The following IFT80 variants were observed in gnomAD, a reference collection of about 807,000 sequenced individuals.
IFT80 encodes intraflagellar transport 80.
Under a neutral mutation model 107.9 loss-of-function variants are expected in IFT80, and 79 were observed. The ratio of observed to expected loss-of-function variants is 0.73; its 90% CI spans 0.61 to 0.88. IFT80 has a LOEUF of 0.88. Ranked by LOEUF, IFT80 falls within the 40% of genes least tolerant of loss-of-function variation. IFT80 has a pLI of 0.00. For synonymous variants in IFT80, 299 were observed against 300.9 expected (o/e 0.99, Z 0.07); for missense variants, 797 against 914.2 (o/e 0.87, Z 1.65).
rs1232766670 is a variant in IFT80, at chr3:160,279,381, CA to C, written c.1665-18del. On this transcript the variant is annotated intron_variant, in intron 15 of 19. Transcript: ENST00000326448. ...CTAAATTCACTGTTGAAAAAAAAAG[CA>C]AAGTACAATTTAAAGTTGTATTCTG... 6.3e-7 allele frequency: 1 copy of C among 1,599,608 alleles called. No individual in the cohort carries two copies. The highest frequency in any genetic ancestry group is 1.3e-5 in the African/African-American group (1 of 74,474).
chr3:160,356,016 A>G lies in IFT80; in HGVS notation c.774T>C (p.Thr258=). 6.2e-7 allele frequency: 1 copy of G among 1,613,982 alleles called. No individual in the cohort carries two copies. The highest frequency in any genetic ancestry group is 8.5e-7 in the Non-Finnish European group (1 of 1,179,900). The change falls in exon 8 of 20, where the codon ACT becomes ACC. Residue 258 remains threonine (T), a synonymous_variant. Transcript: ENST00000326448. ...ATTGCTCACCACTATAACTTACCCCAGTTTTATCACACAAGCGTAAAGTAT... is the reference window on the plus strand; with the variant it reads ...ATTGCTCACCACTATAACTTACCCCGGTTTTATCACACAAGCGTAAAGTAT... The part of the protein sequence containing the change: ...SFHTLRLCDK[T]GWSYALEKPN...
At chr3:160,394,526 T>C (rs898762978) in intron 1 of IFT80, among the ~76,000 whole-genome samples, 5 of 152,216 alleles carry the variant, frequency 3.3e-5, no homozygotes, top group East Asian at 1.9e-4. Context: ...GGTATTTACA[T>C]TTCCTTGAAA....
chr3:160,283,525 C>G (rs1714855266), intron 13 of IFT80, among the ~76,000 whole-genome samples: 1 of 152,150 alleles, frequency 6.6e-6, no homozygotes, highest in Non-Finnish European at 1.5e-5. Context: ...AAGTTCAACT[C>G]TTTCTGGAAT....
chr3:160,383,484 CTGA>C (rs1712684113), intron 2 of IFT80: 2 of 942,344 alleles, frequency 2.1e-6, no homozygotes, highest in African/African-American at 1.8e-5. Flanking sequence ...TTTCCTAGTT[CTGA>C]TGAAGGACCA....
At chr3:160,334,913 T>G (rs1719353460) in intron 8 of IFT80, among the ~76,000 whole-genome samples, 1 of 152,160 alleles carries the variant, frequency 6.6e-6, no homozygotes, top group Non-Finnish European at 1.5e-5. Context: ...TGAGCTCTGG[T>G]TCATTTTATA....
At chr3:160,356,872 TCTCTAA>T (rs1721130863) in intron 7 of IFT80, among the ~76,000 whole-genome samples, 1 of 152,186 alleles carries the variant, frequency 6.6e-6, no homozygotes, top group Admixed American at 6.5e-5. Context: ...CTACCTACTT[TCTCTAA>T]AAGTATTTAT....
At position 160,268,423 on chromosome 3, in the gene IFT80, T is replaced by A. The variant is rs535067699; in HGVS notation, c.2213A>T (p.Tyr738Phe). 36 of 1,612,602 alleles carry A rather than the reference T, an allele frequency of 2.2e-5. 1 individual carries two copies. In the South Asian group the frequency reaches 3.8e-4, roughly 17 times the overall value. The change falls in exon 19 of 20, where the codon TAT becomes TTT. Residue 738 changes from tyrosine (Y) to phenylalanine (F), a missense_variant. Transcript: ENST00000326448. ...TTGTGAAATACTTACACCTTCTGCA[T>A]AATGCAAGTATCGTTTATTAGTTTC... ...KQETNKRYLH[Y>F]AEGLQIDWEK... is the part of the protein sequence containing the mutation.
intron 6 of IFT80, 81 bp from the exon 7 acceptor site, chr3:160,357,659 T>A: frequency 1.2e-6 from 1 of 846,478 alleles, no homozygotes; most frequent in Non-Finnish European, 2.0e-6. Flanking sequence ...ATTTTGCCTC[T>A]TTCTAATGAC....
rs558811137 is a variant in IFT80 at position 160,302,135 on chromosome 3, T to G, written c.1152-1089A>C. ...CTTCATGCTGAAGACATTATTACTT[T>G]TCAAAATCTTATGTTTAATGTTTTA... is the stretch of plus-strand genomic sequence containing the variant. On this transcript the variant is annotated intron_variant, in intron 11 of 19. Coordinates refer to ENST00000326448, the MANE Select transcript of IFT80 (RefSeq NM_020800.3). Among the ~76,000 whole-genome samples the G allele has an allele frequency of 1.5e-4, 23 of 152,174 alleles. 1 individual carries two copies. Among genetic ancestry groups the G allele is most frequent in the African/African-American group, 5.5e-4 (23 of 41,576 alleles).
intron 5 of IFT80, among the ~76,000 whole-genome samples, chr3:160,367,732 G>A (rs1005408731): frequency 2.6e-5 from 4 of 151,850 alleles, no homozygotes; most frequent in African/African-American, 7.2e-5. Flanking sequence ...ATTTAGAGAC[G>A]GTATTTTTAA....
At chr3:160,261,508 T>A (rs1712830147) in intron 19 of IFT80, among the ~76,000 whole-genome samples, 1 of 148,284 alleles carries the variant, frequency 6.7e-6, no homozygotes, top group East Asian at 2.0e-4. Flanking sequence ...AGGGAGATAG[T>A]GAGCACCAGG....
intron 9 of IFT80, among the ~76,000 whole-genome samples, chr3:160,314,701 T>A (rs1447976590): frequency 6.6e-6 from 1 of 152,178 alleles, no homozygotes; most frequent in Non-Finnish European, 1.5e-5. Flanking sequence ...ATCCTGTGAC[T>A]CCACCTTGCA....
rs541303752 is a variant in IFT80, at chr3:160,383,005, G to A, written c.38-1281C>T. Among the ~76,000 whole-genome samples, 210 of 152,178 alleles carry A rather than the reference G, an allele frequency of 1.4e-3. 1 individual carries two copies. The highest frequency in any genetic ancestry group is 4.8e-3 in the African/African-American group (201 of 41,526). On this transcript the variant is annotated intron_variant, in intron 2 of 19. Transcript: ENST00000326448. ...AAACTGTTGTATTATTATTGCTGTC[G>A]CCTAAACAATGTTAGGTAAAACCTA...
intron 12 of IFT80, among the ~76,000 whole-genome samples, chr3:160,288,354 A>C (rs1715261166): frequency 6.6e-6 from 1 of 152,172 alleles, no homozygotes; most frequent in South Asian, 2.1e-4. Flanking sequence ...ACAACAAAAA[A>C]AGAAAATACA....
At chr3:160,279,843 A>G (rs1714551157) in intron 15 of IFT80, among the ~76,000 whole-genome samples, 1 of 152,228 alleles carries the variant, frequency 6.6e-6, no homozygotes, top group African/African-American at 2.4e-5. Context: ...ACTTGGGAAG[A>G]TCACTTAAGC....
chr3:160,285,025 T>C (rs1244334016), intron 13 of IFT80, among the ~76,000 whole-genome samples: 1 of 152,054 alleles, frequency 6.6e-6, no homozygotes, highest in Non-Finnish European at 1.5e-5. Context: ...CTGAACCATA[T>C]GAATGTATTT....
intron 7 of IFT80, among the ~76,000 whole-genome samples, chr3:160,356,744 C>T (rs1189978474): frequency 1.3e-5 from 2 of 152,156 alleles, no homozygotes. Flanking sequence ...TATTCTCCAA[C>T]TCCTGGTCTC....
chr3:160,287,174 A>T (rs1264838858), intron 12 of IFT80, among the ~76,000 whole-genome samples: 1 of 152,160 alleles, frequency 6.6e-6, no homozygotes, highest in Non-Finnish European at 1.5e-5. Context: ...GTCCTGAGAG[A>T]AGAGGGCACA....
intron 16 of IFT80, among the ~76,000 whole-genome samples, chr3:160,278,131 C>G (rs533940067): frequency 3.2e-4 from 48 of 152,148 alleles, no homozygotes; most frequent in Non-Finnish European, 4.7e-4. Context: ...AAAAGCAGCC[C>G]CCAAATCATT....
Sources: gnomAD v4.1 joint callset for allele counts (sites outside exome capture counted in the v4.1 genomes callset) on GRCh38, gnomAD v4.1.1 for gene constraint, MANE v1.5 for transcripts, NCBI Gene and HGNC (gene_info 2026-07-23, HGNC 2026-07-21) for gene names.